Variants in RBFOX1 observed in about 807,000 individuals in gnomAD.
RBFOX1 encodes the protein RNA binding protein fox-1 homolog 1.
RBFOX1 carries 8 observed loss-of-function variants against 57.7 expected under a neutral mutation model. The observed-to-expected ratio is 0.14, with a 90% CI of 0.08 to 0.25. RBFOX1 has a LOEUF of 0.25. Ranked by LOEUF, RBFOX1 falls within the 10% of genes least tolerant of loss-of-function variation. RBFOX1 has a pLI of 1.00. For synonymous variants in RBFOX1, 326 were observed against 222.4 expected (o/e 1.47, Z -4.15); for missense variants, 611 against 548.5 (o/e 1.11, Z -1.14).
At chr16:6,467,629 A>G (rs1161166882) in intron 2 of RBFOX1, among the ~76,000 whole-genome samples, 2 of 152,192 alleles carry the variant, frequency 1.3e-5, no homozygotes, top group East Asian at 1.9e-4. Context: ...GGAAACAAAT[A>G]TACAGGAAAT....
intron 2 of RBFOX1, among the ~76,000 whole-genome samples, chr16:6,337,371 G>A (rs1358797480): frequency 2.6e-5 from 4 of 152,170 alleles, no homozygotes; most frequent in Admixed American, 2.0e-4. Context: ...TTGAATCACC[G>A]CCATCAACCT....
chr16:7,374,052 C>G (rs1260511151), intron 4 of RBFOX1, among the ~76,000 whole-genome samples: 1 of 152,110 alleles, frequency 6.6e-6, no homozygotes, highest in East Asian at 1.9e-4. Context: ...CTGAGACACA[C>G]ATGGAGAGGC....
chr16:6,496,670 C>T (rs981518444), intron 2 of RBFOX1, among the ~76,000 whole-genome samples: 3 of 152,052 alleles, frequency 2.0e-5, no homozygotes, highest in Admixed American at 6.6e-5. Flanking sequence ...TAAATTACAG[C>T]GAGTATTGGC....
At chr16:6,862,644 A>C (rs1449270888) in intron 3 of RBFOX1, among the ~76,000 whole-genome samples, 5 of 152,174 alleles carry the variant, frequency 3.3e-5, no homozygotes, top group Non-Finnish European at 5.9e-5. Flanking sequence ...ATGGAAAATG[A>C]AAGTGGTTTT....
At chr16:5,750,879 C>G (rs1044889175) in intron 3 of RBFOX1, among the ~76,000 whole-genome samples, 1 of 152,222 alleles carries the variant, frequency 6.6e-6, no homozygotes, top group Non-Finnish European at 1.5e-5. Context: ...GTCCTGTCCC[C>G]ACTGTCTGAC....
At chr16:5,314,151 G>C (rs1038576384) in intron 1 of RBFOX1, among the ~76,000 whole-genome samples, 19 of 152,198 alleles carry the variant, frequency 1.2e-4, no homozygotes, top group African/African-American at 4.6e-4. Flanking sequence ...ATCCCCACTT[G>C]CATACAAGGA....
intron 7 of RBFOX1, among the ~76,000 whole-genome samples, chr16:7,588,247 CCTCT>C (rs1400241291): frequency 4.6e-5 from 7 of 152,122 alleles, no homozygotes; most frequent in Admixed American, 3.9e-4. Flanking sequence ...TCTAAAACCT[CCTCT>C]CTATCAGTGG....
intron 3 of RBFOX1, among the ~76,000 whole-genome samples, chr16:6,690,985 A>G (rs2060128613): frequency 6.6e-6 from 1 of 152,062 alleles, no homozygotes; most frequent in Admixed American, 6.6e-5. Context: ...CTGTTTTCCT[A>G]TTTGTAGAGT....
At chr16:5,574,438 A>G (rs377652110) in intron 2 of RBFOX1, among the ~76,000 whole-genome samples, 1 of 84,722 alleles carries the variant, frequency 1.2e-5, no homozygotes, top group East Asian at 3.7e-4. Context: ...TTTTTTTTTT[A>G]AGACGGTGTC....
At chr16:6,519,555 G>T (rs1314919864) in intron 2 of RBFOX1, among the ~76,000 whole-genome samples, 1 of 152,056 alleles carries the variant, frequency 6.6e-6, no homozygotes, top group Admixed American at 6.5e-5. Context: ...ACAAAAATTA[G>T]CCAGGCGTGG....
At chr16:6,431,560 G>A (rs150263071) in intron 2 of RBFOX1, among the ~76,000 whole-genome samples, 2 of 152,172 alleles carry the variant, frequency 1.3e-5, no homozygotes, top group East Asian at 3.9e-4. Flanking sequence ...GGGGCTCCGA[G>A]GGTGTAAATG....
chr16:6,911,057 C>G (rs1226870412), intron 3 of RBFOX1, among the ~76,000 whole-genome samples: 1 of 151,782 alleles, frequency 6.6e-6, no homozygotes, highest in South Asian at 2.1e-4. Flanking sequence ...AAAAATTAGC[C>G]GAGCGTGGTG....
At chr16:6,979,753 G>C (rs780169178) in intron 3 of RBFOX1, among the ~76,000 whole-genome samples, 1 of 152,188 alleles carries the variant, frequency 6.6e-6, no homozygotes, top group African/African-American at 2.4e-5. Context: ...AGTGGATGAA[G>C]ATTTTCTAAA....
intron 5 of RBFOX1, among the ~76,000 whole-genome samples, chr16:7,566,813 GGT>G: frequency 6.6e-6 from 1 of 152,068 alleles, no homozygotes; most frequent in East Asian, 1.9e-4. Flanking sequence ...CACATCCAAG[GGT>G]GTCTATGTAT....
At chr16:7,438,453 A>G (rs2098739846) in intron 4 of RBFOX1, among the ~76,000 whole-genome samples, 2 of 152,078 alleles carry the variant, frequency 1.3e-5, no homozygotes, top group East Asian at 3.9e-4. Flanking sequence ...GAAGAAGGTA[A>G]TCAAGGAGAG....
At chr16:5,812,159 A>G (rs569577945) in intron 3 of RBFOX1, among the ~76,000 whole-genome samples, 22 of 152,282 alleles carry the variant, frequency 1.4e-4, no homozygotes, top group African/African-American at 5.3e-4. Context: ...CACTGTATGG[A>G]TAGTGACTAC....
chr16:6,508,786 G>A (rs2096179935), intron 2 of RBFOX1, among the ~76,000 whole-genome samples: 1 of 151,524 alleles, frequency 6.6e-6, no homozygotes, highest in Non-Finnish European at 1.5e-5. Flanking sequence ...ATTTAGAGAA[G>A]AAATTTGCCA....
At chr16:7,397,992 C>G (rs530369891) in intron 4 of RBFOX1, among the ~76,000 whole-genome samples, 65 of 152,248 alleles carry the variant, frequency 4.3e-4, no homozygotes, top group African/African-American at 1.3e-3. Context: ...GACATCTAAG[C>G]TTCTTCCCTT....
At chr16:6,604,250 A>G (rs184788491) in intron 2 of RBFOX1, among the ~76,000 whole-genome samples, 1 of 152,116 alleles carries the variant, frequency 6.6e-6, no homozygotes, top group Non-Finnish European at 1.5e-5. Flanking sequence ...CACCATGTCT[A>G]TCAAAGCCAT....
Sources: allele counts gnomAD v4.1 joint callset (sites outside exome capture counted in the v4.1 genomes callset), GRCh38; gene constraint gnomAD v4.1.1; transcripts MANE v1.5; gene names NCBI Gene and HGNC (gene_info 2026-07-23, HGNC 2026-07-21).